STX8: variants seen among roughly 807,000 people sequenced by gnomAD.
The protein encoded by STX8 is syntaxin 8.
Under a neutral mutation model 37.5 loss-of-function variants are expected in STX8, and 23 were observed. The observed-to-expected ratio is 0.61, with a 90% CI of 0.44 to 0.87. The LOEUF is 0.87. Among genes scored for constraint, STX8 ranks in the 40% least tolerant of loss-of-function variants. STX8 has a pLI of 0.00. For synonymous variants in STX8, 115 were observed against 99.1 expected (o/e 1.16, Z -0.95); for missense variants, 313 against 284.7 (o/e 1.10, Z -0.71).
chr17:9,465,378 C>T (rs1044863131), intron 6 of STX8, among the ~76,000 whole-genome samples: 4 of 152,190 alleles, frequency 2.6e-5, no homozygotes, highest in Non-Finnish European at 5.9e-5. Flanking sequence ...GTCTACGTTA[C>T]TGCCTGTGCA....
chr17:9,409,095 C>G (rs1434082007), intron 6 of STX8, among the ~76,000 whole-genome samples: 1 of 152,034 alleles, frequency 6.6e-6, no homozygotes, highest in African/African-American at 2.4e-5. Context: ...CCCCCGCCCC[C>G]ACCAGAGCTG....
At chr17:9,550,973 G>C (rs1331857566) in intron 3 of STX8, among the ~76,000 whole-genome samples, 1 of 152,186 alleles carries the variant, frequency 6.6e-6, no homozygotes, top group African/African-American at 2.4e-5. Context: ...TACTTGGGAG[G>C]CTGGGGTAGG....
chr17:9,509,412 T>A (rs1345819320), intron 4 of STX8, among the ~76,000 whole-genome samples: 1 of 149,454 alleles, frequency 6.7e-6, no homozygotes, highest in African/African-American at 2.5e-5. Flanking sequence ...AAAAAAAAAA[T>A]CTGCCAACCA....
intron 7 of STX8, among the ~76,000 whole-genome samples, chr17:9,261,641 C>T (rs1447890324): frequency 6.6e-6 from 1 of 152,056 alleles, no homozygotes; most frequent in African/African-American, 2.4e-5. Context: ...TATTCATTTC[C>T]CTTCCCTGAA....
rs140452049 is a variant in STX8 at position 9,565,950 on chromosome 17, T to C, written c.117+2421A>G. 2.6e-4 allele frequency among the ~76,000 whole-genome samples: 39 copies of C among 152,196 alleles called. 2 individuals are homozygous for C. Among genetic ancestry groups the C allele is most frequent in the African/African-American group, 9.2e-4 (38 of 41,530 alleles). ...AAAGCAATTGCAACAAAAGCAAAAA[T>C]TGACAAATAGGATCTAATCAACTAA... is the stretch of plus-strand genomic sequence containing the variant. On this transcript the variant is annotated intron_variant, in intron 2 of 7. Transcript: ENST00000306357.
In STX8 at chr17:9,472,182, C is replaced by T. The variant is rs527525592; in HGVS notation, c.541+19647G>A. Among the ~76,000 whole-genome samples, 78 of 152,074 alleles carry T rather than the reference C, an allele frequency of 5.1e-4. 1 individual carries two copies. In the South Asian group the frequency reaches 7.7e-3, roughly 15 times the overall value. On this transcript the variant is annotated intron_variant, in intron 6 of 7. Coordinates refer to ENST00000306357, the MANE Select transcript of STX8 (RefSeq NM_004853.3). ...GTGGGATTTAAGCCTGTCTGTCTGG[C>T]CCCAGAGCCAGAGTGTCCACTGGTC...
At chr17:9,415,833 T>G (rs1402817931) in intron 6 of STX8, among the ~76,000 whole-genome samples, 1 of 152,198 alleles carries the variant, frequency 6.6e-6, no homozygotes, top group Non-Finnish European at 1.5e-5. Flanking sequence ...TTCATGGCTT[T>G]TGAAATAGGC....
At chr17:9,456,635 T>C (rs561211169) in intron 6 of STX8, among the ~76,000 whole-genome samples, 4 of 152,284 alleles carry the variant, frequency 2.6e-5, no homozygotes, top group Non-Finnish European at 4.4e-5. Context: ...CTTCTTGGCA[T>C]GTTCACAGAA....
At chr17:9,380,855 G>A (rs1034002569) in intron 6 of STX8, among the ~76,000 whole-genome samples, 5 of 151,068 alleles carry the variant, frequency 3.3e-5, no homozygotes, top group African/African-American at 1.2e-4. Flanking sequence ...GTGGGATTAC[G>A]GGTGCGCACC....
At chr17:9,274,338 C>A (rs1907579410) in intron 7 of STX8, among the ~76,000 whole-genome samples, 1 of 152,020 alleles carries the variant, frequency 6.6e-6, no homozygotes, top group South Asian at 2.1e-4. Context: ...TTCAAAAAAC[C>A]CAAATTCACG....
At chr17:9,281,187 A>T (rs1907867690) in intron 7 of STX8, among the ~76,000 whole-genome samples, 1 of 152,176 alleles carries the variant, frequency 6.6e-6, no homozygotes, top group South Asian at 2.1e-4. Flanking sequence ...GCAGGAAGTG[A>T]CAGGAGTGAT....
chr17:9,368,851 C>G (rs1164491388), intron 7 of STX8, among the ~76,000 whole-genome samples: 1 of 152,128 alleles, frequency 6.6e-6, no homozygotes, highest in African/African-American at 2.4e-5. Context: ...TCTGTACTAC[C>G]TGCAGTCATT....
intron 6 of STX8, among the ~76,000 whole-genome samples, chr17:9,437,528 T>C (rs562776245): frequency 6.6e-6 from 1 of 152,352 alleles, no homozygotes; most frequent in East Asian, 1.9e-4. Flanking sequence ...CTGACAACTG[T>C]AGCTTTTTCA....
intron 7 of STX8, among the ~76,000 whole-genome samples, chr17:9,279,456 T>C (rs906193907): frequency 1.3e-5 from 2 of 152,202 alleles, no homozygotes; most frequent in Non-Finnish European, 2.9e-5. Context: ...TCAGAGCTTT[T>C]CAGTGTTGGG....
rs1046629871 is a variant in STX8 at position 9,375,537 on chromosome 17, A to G, written c.643+3015T>C. Reference sequence around the variant, plus strand: ...AACTAGCAACATAATTGCTGAGAACAACAAAAACAACATATATAACATTGT... The same window carrying G: ...AACTAGCAACATAATTGCTGAGAACGACAAAAACAACATATATAACATTGT... On this transcript the variant is annotated intron_variant, in intron 7 of 7. Transcript: ENST00000306357. Among the ~76,000 whole-genome samples, 7 of 152,310 alleles carry G rather than the reference A, an allele frequency of 4.6e-5. No individual in the cohort carries two copies. In the South Asian group the frequency reaches 8.3e-4, roughly 18 times the overall value.
At chr17:9,426,590 T>C (rs987625466) in intron 6 of STX8, among the ~76,000 whole-genome samples, 2 of 151,986 alleles carry the variant, frequency 1.3e-5, no homozygotes, top group Non-Finnish European at 2.9e-5. Flanking sequence ...TGAGACCTTG[T>C]CTCTAGTAAA....
intron 7 of STX8, among the ~76,000 whole-genome samples, chr17:9,297,482 G>A (rs968113102): frequency 2.6e-5 from 4 of 152,202 alleles, no homozygotes; most frequent in Non-Finnish European, 5.9e-5. Context: ...ACATGAAAGA[G>A]AGAAAGACAT....
chr17:9,341,211 A>T (rs2142231808), intron 7 of STX8, among the ~76,000 whole-genome samples: 1 of 152,078 alleles, frequency 6.6e-6, no homozygotes, highest in South Asian at 2.1e-4. Flanking sequence ...CTACCTGGCA[A>T]CAATCACCTG....
rs1381862043 is a variant in STX8, at chr17:9,568,272, T to C, written c.117+99A>G. ...ACATATGTAAGCAGATAGATCATCA[T>C]ACACACATGTGCACAGACAGCCTCA... is the stretch of plus-strand genomic sequence containing the variant. On this transcript the variant is annotated intron_variant, in intron 2 of 7. Transcript: ENST00000306357. The C allele has an allele frequency of 4.9e-6, 4 of 816,762 alleles. No individual in the cohort carries two copies. In the African/African-American group the frequency reaches 5.1e-5, roughly 10 times the overall value. The allele number at this position is 816,762 out of a possible 1,614,324, so 50.6% of individuals were successfully genotyped here.
Sources: allele counts gnomAD v4.1 joint callset (sites outside exome capture counted in the v4.1 genomes callset), GRCh38; gene constraint gnomAD v4.1.1; transcripts MANE v1.5; gene names NCBI Gene and HGNC (gene_info 2026-07-23, HGNC 2026-07-21).